SYCP2L: variants seen among roughly 807,000 people sequenced by gnomAD.
SYCP2L encodes synaptonemal complex protein 2 like, also known as synaptonemal complex protein 2-like.
In SYCP2L, 98 loss-of-function variants were observed where a neutral mutation model predicts 125.8. The observed-to-expected ratio is 0.78, with a 90% CI of 0.66 to 0.92. SYCP2L has a LOEUF of 0.92. Among genes scored for constraint, SYCP2L ranks in the 40% least tolerant of loss-of-function variants. The pLI is 0.00. For missense variants in SYCP2L, 842 were observed against 936.4 expected (o/e 0.90, Z 1.32); for synonymous variants, 317 against 325.4 (o/e 0.97, Z 0.28).
chr6:10,909,254 G>A (rs899735489), intron 10 of SYCP2L, among the ~76,000 whole-genome samples: 10 of 149,340 alleles, frequency 6.7e-5, no homozygotes, highest in African/African-American at 2.2e-4. Flanking sequence ...TTATCCTCCC[G>A]AGTAGCTGGG....
chr6:10,940,196 A>G (rs1025039586), intron 21 of SYCP2L, among the ~76,000 whole-genome samples: 1 of 152,234 alleles, frequency 6.6e-6, no homozygotes, highest in African/African-American at 2.4e-5. Context: ...AGTGTTGGCA[A>G]GGGTATGGAG....
At chr6:10,967,491 G>GTGTGTGTA (rs1781702859) in intron 29 of SYCP2L, among the ~76,000 whole-genome samples, 1 of 150,812 alleles carries the variant, frequency 6.6e-6, no homozygotes, top group Non-Finnish European at 1.5e-5. Flanking sequence ...GTGTGTGTGT[G>GTGTGTGTA]TGTGTATTGA....
intron 18 of SYCP2L, 60 bp downstream of exon 18, chr6:10,928,510 G>A: frequency 1.4e-6 from 2 of 1,479,722 alleles, no homozygotes; most frequent in Non-Finnish European, 9.0e-7. Flanking sequence ...TGTGACAGGT[G>A]GAAGCCACCT....
intron 18 of SYCP2L, chr6:10,930,138 G>T: frequency 2.9e-6 from 1 of 341,114 alleles, no homozygotes; most frequent in Non-Finnish European, 5.3e-6. Flanking sequence ...TGTTGCAAAC[G>T]TTTTATTAGA....
chr6:10,926,642 A>T (rs1336752210), intron 16 of SYCP2L, among the ~76,000 whole-genome samples: 1 of 152,106 alleles, frequency 6.6e-6, no homozygotes, highest in Admixed American at 6.5e-5. Flanking sequence ...ACAAAGAAGA[A>T]ATGATGGGGT....
chr6:10,944,018 ACTCT>A (rs1781268389), intron 23 of SYCP2L, among the ~76,000 whole-genome samples: 1 of 152,032 alleles, frequency 6.6e-6, no homozygotes, highest in Non-Finnish European at 1.5e-5. Flanking sequence ...AGAATCATGA[ACTCT>A]CTCCTGATAC....
chr6:10,935,106 A>G lies in SYCP2L; in HGVS notation c.1732A>G (p.Thr578Ala). 1 of 1,612,948 alleles carries G rather than the reference A, an allele frequency of 6.2e-7. No homozygotes were observed. The change falls in exon 21 of 30, where the codon ACC (threonine) becomes GCC (alanine). Residue 578 changes from threonine (T) to alanine (A), a missense_variant. Physicochemically the swap from Thr to Ala is moderately conservative, Grantham distance 58. Coordinates refer to ENST00000283141, the MANE Select transcript of SYCP2L (RefSeq NM_001040274.3). ...SEKEIPEQNN[T>A]TSPKTSEQKF... ...GAAAGAAATACCCGAGCAAAATAAC[A>G]CCACATCTCCAAAGACTTCTGAACA...
chr6:10,938,006 C>T (rs1364467728), intron 21 of SYCP2L, among the ~76,000 whole-genome samples: 1 of 152,142 alleles, frequency 6.6e-6, no homozygotes, highest in Non-Finnish European at 1.5e-5. Flanking sequence ...AATGCCAATC[C>T]TTTTCAAACT....
intron 1 of SYCP2L, among the ~76,000 whole-genome samples, chr6:10,890,679 G>A (rs1358693641): frequency 1.3e-5 from 2 of 152,106 alleles, no homozygotes; most frequent in African/African-American, 4.8e-5. Context: ...TCTGTAAGAA[G>A]CTTTTTGGTC....
intron 4 of SYCP2L, among the ~76,000 whole-genome samples, chr6:10,897,387 G>A (rs1780275095): frequency 6.7e-6 from 1 of 149,098 alleles, no homozygotes; most frequent in South Asian, 2.1e-4. Flanking sequence ...TTTTCCACCT[G>A]TGCTGGGGAG....
intron 3 of SYCP2L, 30 bp downstream of exon 3, chr6:10,894,034 C>T (rs6456744): frequency 0.067 from 106,824 of 1,602,992 alleles, 5,181 homozygotes; most frequent in African/African-American, 0.24. Context: ...GACCAAAATA[C>T]AAATGTATAA....
At chr6:10,901,886 G>T (rs1340928395) in intron 6 of SYCP2L, among the ~76,000 whole-genome samples, 2 of 152,230 alleles carry the variant, frequency 1.3e-5, no homozygotes, top group African/African-American at 4.8e-5. Context: ...CAAAATTTCA[G>T]TTCTGCCTTT....
rs1270375893 is a variant in SYCP2L at position 10,954,903 on chromosome 6, C to T, written c.1955-213C>T. ...CAGAGTGTTCCTAAATGTAACTGAG[C>T]TCATCAAAGGGATGCCTGTTCCCAT... On this transcript the variant is annotated intron_variant, in intron 23 of 29. Coordinates refer to ENST00000283141, the MANE Select transcript of SYCP2L (RefSeq NM_001040274.3). This position sits in a 1 kb window ranked among gnomAD's most constrained non-coding sequence, Gnocchi z 4.8. 6.6e-6 allele frequency among the ~76,000 whole-genome samples: 1 copy of T among 152,174 alleles called. No individual in the cohort carries two copies. Among genetic ancestry groups the T allele is most frequent in the Non-Finnish European group, 1.5e-5 (1 of 68,040 alleles).
intron 23 of SYCP2L, among the ~76,000 whole-genome samples, chr6:10,948,195 G>C (rs6921549): frequency 6.6e-6 from 1 of 152,036 alleles, no homozygotes; most frequent in Admixed American, 6.5e-5. Flanking sequence ...GTGTGTATGC[G>C]TGTGTTAATA....
At chr6:10,949,877 T>C (rs76016776) in intron 23 of SYCP2L, among the ~76,000 whole-genome samples, 4,570 of 152,232 alleles carry the variant, frequency 0.03, 237 homozygotes, top group African/African-American at 0.1. Flanking sequence ...CTTCCATTGA[T>C]ATATTTGGAT....
At chr6:10,955,014 G>A in intron 23 of SYCP2L, 102 bp from the exon 24 acceptor site, 1 of 774,070 alleles carries the variant, frequency 1.3e-6, no homozygotes, top group Non-Finnish European at 2.2e-6. Flanking sequence ...CAACAGGCAG[G>A]GGACAAGTTT....
intron 1 of SYCP2L, 150 bp downstream of exon 1, chr6:10,887,285 G>C (rs548996088): frequency 4.1e-5 from 44 of 1,078,844 alleles, no homozygotes; most frequent in Middle Eastern, 4.2e-4. Flanking sequence ...CCTTGGGTTT[G>C]CTCGGAGTGT....
At chr6:10,959,186 C>T (rs959341941) in intron 26 of SYCP2L, among the ~76,000 whole-genome samples, 7 of 152,174 alleles carry the variant, frequency 4.6e-5, no homozygotes, top group Non-Finnish European at 1.0e-4. Context: ...ATGAAATATG[C>T]TATATCCATA....
At chr6:10,956,379 G>T (rs59627449) in intron 25 of SYCP2L, 137 bp downstream of exon 25, 159,004 of 655,160 alleles carry the variant, frequency 0.24, 21,806 homozygotes, top group East Asian at 0.46. Context: ...AAACAGGGAG[G>T]AGAAGGGTGG....
Sources: gnomAD v4.1 joint callset for allele counts (sites outside exome capture counted in the v4.1 genomes callset) on GRCh38, gnomAD v4.1.1 for gene constraint, Gnocchi (gnomAD v3.1) non-coding constraint, MANE v1.5 for transcripts, NCBI Gene and HGNC (gene_info 2026-07-23, HGNC 2026-07-21) for gene names.